Variants in TPX2 observed in about 807,000 individuals in gnomAD.
TPX2 encodes the protein targeting protein for Xklp2.
Under a neutral mutation model 93.6 loss-of-function variants are expected in TPX2, and 21 were observed. The observed-to-expected ratio is 0.22, with a 90% CI of 0.16 to 0.32. The LOEUF is 0.32. Among genes scored for constraint, TPX2 ranks in the 10% least tolerant of loss-of-function variants. The pLI is 1.00. For synonymous variants in TPX2, 281 were observed against 298.3 expected (o/e 0.94, Z 0.60); for missense variants, 776 against 871.1 (o/e 0.89, Z 1.37).
At chr20:31,740,709 G>C (rs909083497) in intron 1 of TPX2, among the ~76,000 whole-genome samples, 1 of 152,198 alleles carries the variant, frequency 6.6e-6, no homozygotes, top group Non-Finnish European at 1.5e-5. Flanking sequence ...GTGCTCTACT[G>C]TTTTGTATTC....
chr20:31,748,565 G>T (rs1395057209), intron 2 of TPX2, among the ~76,000 whole-genome samples: 2 of 152,170 alleles, frequency 1.3e-5, no homozygotes, highest in Non-Finnish European at 2.9e-5. Flanking sequence ...TAAAGGGCAG[G>T]ATTTGTCTTT....
intron 2 of TPX2, among the ~76,000 whole-genome samples, chr20:31,748,839 A>G (rs1386347711): frequency 1.3e-5 from 2 of 152,126 alleles, no homozygotes; most frequent in African/African-American, 2.4e-5. Context: ...TTTAAACGAG[A>G]TGATTTATGT....
At chr20:31,791,400 C>T (rs1404877069) in intron 12 of TPX2, among the ~76,000 whole-genome samples, 1 of 152,174 alleles carries the variant, frequency 6.6e-6, no homozygotes, top group Non-Finnish European at 1.5e-5. Flanking sequence ...TCTCCTGCCT[C>T]AGCCTCCCGA....
intron 12 of TPX2, 85 bp downstream of exon 12, chr20:31,784,006 T>C: frequency 1.4e-6 from 2 of 1,430,042 alleles, no homozygotes; most frequent in Non-Finnish European, 1.9e-6. Flanking sequence ...TGGGTAGATA[T>C]TATGAGCAGG....
chr20:31,800,650 G>A (rs979660330), intron 17 of TPX2, among the ~76,000 whole-genome samples: 2 of 152,170 alleles, frequency 1.3e-5, no homozygotes, highest in African/African-American at 4.8e-5. Context: ...CTTGAGTACA[G>A]CCCTATTATA....
At chr20:31,786,624 G>C (rs2062068956) in intron 12 of TPX2, among the ~76,000 whole-genome samples, 1 of 152,132 alleles carries the variant, frequency 6.6e-6, no homozygotes, top group South Asian at 2.1e-4. Context: ...GGCTGGTCTT[G>C]AGCTCGTGGT....
At chr20:31,786,665 A>G (rs2062069322) in intron 12 of TPX2, among the ~76,000 whole-genome samples, 1 of 152,146 alleles carries the variant, frequency 6.6e-6, no homozygotes, top group African/African-American at 2.4e-5. Flanking sequence ...TGGCCTCCCA[A>G]AGTGCTAGGA....
Position 31,798,461 on chromosome 20 carries a change from T to C in TPX2, c.2042T>C (p.Val681Ala). The C allele has an allele frequency of 6.2e-7, 1 of 1,613,626 alleles. No homozygotes were observed. The highest frequency in any genetic ancestry group is 2.2e-5 in the East Asian group (1 of 44,872). Reference sequence around the variant, plus strand: ...GAGCTGGAGAAGAGAATGGCTGAGGTAGAAGCCCAGAAAGCCCAGCAGTTG... The same window carrying C: ...GAGCTGGAGAAGAGAATGGCTGAGGCAGAAGCCCAGAAAGCCCAGCAGTTG... ...RQELEKRMAE[V>A]EAQKAQQLEE... Residue 681 changes from valine to alanine, a missense_variant, in exon 17 of 18, where the codon GTA (valine) becomes GCA (alanine). Physicochemically the swap from Val to Ala is moderately conservative, Grantham distance 64. Coordinates refer to ENST00000300403, the MANE Select transcript of TPX2 (RefSeq NM_012112.5).
intron 2 of TPX2, among the ~76,000 whole-genome samples, chr20:31,752,830 G>A (rs2061827926): frequency 6.6e-6 from 1 of 152,044 alleles, no homozygotes; most frequent in South Asian, 2.1e-4. Flanking sequence ...TAGCCAGGAT[G>A]GTCTCAATCT....
intron 16 of TPX2, 110 bp downstream of exon 16, chr20:31,797,625 CT>C (rs2062146538): frequency 3.0e-6 from 3 of 996,410 alleles, no homozygotes; most frequent in Non-Finnish European, 2.9e-6. Flanking sequence ...AAGCATTTGA[CT>C]TTAGCAGATG....
intron 2 of TPX2, among the ~76,000 whole-genome samples, chr20:31,744,810 G>A (rs2061774291): frequency 6.6e-6 from 1 of 152,122 alleles, no homozygotes; most frequent in African/African-American, 2.4e-5. Flanking sequence ...TTTTGGCCGG[G>A]CGCGGTGGCT....
intron 6 of TPX2, 39 bp downstream of exon 6, chr20:31,770,510 A>G (rs2061958891): frequency 2.0e-6 from 3 of 1,509,810 alleles, no homozygotes; most frequent in Non-Finnish European, 2.7e-6. Flanking sequence ...GGGCAGACAT[A>G]TTGTACCTTG....
intron 12 of TPX2, among the ~76,000 whole-genome samples, chr20:31,792,117 AG>A (rs1246069098): frequency 6.6e-6 from 1 of 152,238 alleles, no homozygotes; most frequent in African/African-American, 2.4e-5. Flanking sequence ...GGCTGGGTAC[AG>A]TGGTTCACGT....
At chr20:31,778,110 G>A (rs1173386298) in intron 9 of TPX2, among the ~76,000 whole-genome samples, 1 of 152,120 alleles carries the variant, frequency 6.6e-6, no homozygotes, top group Non-Finnish European at 1.5e-5. Context: ...TAGGGTTGGG[G>A]CAGACCAGTC....
chr20:31,763,701 T>C (rs546527810), intron 4 of TPX2, among the ~76,000 whole-genome samples: 2 of 146,516 alleles, frequency 1.4e-5, no homozygotes, highest in East Asian at 3.9e-4. Context: ...TTAATTTAAA[T>C]TTAATTTAAT....
intron 16 of TPX2, among the ~76,000 whole-genome samples, chr20:31,797,932 C>T (rs2062147936): frequency 6.6e-6 from 1 of 152,122 alleles, no homozygotes; most frequent in Admixed American, 6.5e-5. Flanking sequence ...TGTGGTGGCT[C>T]ATGCCTGTAG....
At chr20:31,751,177 A>G (rs2061817432) in intron 2 of TPX2, among the ~76,000 whole-genome samples, 1 of 152,148 alleles carries the variant, frequency 6.6e-6, no homozygotes, top group South Asian at 2.1e-4. Flanking sequence ...AAAGAAAGAA[A>G]AAAAGGATGT....
chr20:31,756,297 C>T (rs1160192299), intron 2 of TPX2, among the ~76,000 whole-genome samples: 2 of 152,002 alleles, frequency 1.3e-5, no homozygotes, highest in African/African-American at 4.8e-5. Context: ...GAGATATAAA[C>T]AAAGCACAAT....
chr20:31,773,668 TTTC>T (rs1354119597), intron 7 of TPX2, among the ~76,000 whole-genome samples: 1 of 152,184 alleles, frequency 6.6e-6, no homozygotes, highest in Non-Finnish European at 1.5e-5. Flanking sequence ...TATAAAATTG[TTTC>T]TTTTTTTAAA....
Sources: gnomAD v4.1 joint callset for allele counts (sites outside exome capture counted in the v4.1 genomes callset) on GRCh38, gnomAD v4.1.1 for gene constraint, MANE v1.5 for transcripts, NCBI Gene and HGNC (gene_info 2026-07-23, HGNC 2026-07-21) for gene names.